RALGPS1: variants seen among roughly 807,000 people sequenced by gnomAD.
The protein encoded by RALGPS1 is Ral GEF with PH domain and SH3 binding motif 1, also known as ras-specific guanine nucleotide-releasing factor RalGPS1.
Under a neutral mutation model 78.8 loss-of-function variants are expected in RALGPS1, and 19 were observed. That is an observed-to-expected ratio of 0.24 (90% confidence interval 0.17 to 0.35). RALGPS1 has a LOEUF of 0.35. RALGPS1 is among the 10% of genes least tolerant of loss of function. RALGPS1 has a pLI of 1.00. For missense variants in RALGPS1, 454 were observed against 688.3 expected (o/e 0.66, Z 3.81); for synonymous variants, 228 against 256.3 (o/e 0.89, Z 1.06).
In RALGPS1 at chr9:127,183,565, C is replaced by CTCG. The variant is rs2060426721; in HGVS notation, c.910+8785_910+8786insGTC. Among the ~76,000 whole-genome samples, 3 of 152,138 alleles carry CTCG rather than the reference C, an allele frequency of 2.0e-5. No individual in the cohort carries two copies. Among genetic ancestry groups the CTCG allele is most frequent in the Non-Finnish European group, 2.9e-5 (2 of 68,038 alleles). Reference sequence around the variant, plus strand: ...CTGTCTTCTGGCACAGCCGTTTGGCCTCATCAGGCCTGAGTAAGGCACAGT... The same window carrying CTCG: ...CTGTCTTCTGGCACAGCCGTTTGGCCTCGTCATCAGGCCTGAGTAAGGCACAGT... On this transcript the variant is annotated intron_variant, in intron 11 of 18. Transcript: ENST00000259351. This position sits in a 1 kb window ranked among gnomAD's most constrained non-coding sequence, Gnocchi z 4.0.
chr9:127,050,204 C>T (rs2048176349), intron 6 of RALGPS1, 72 bp downstream of exon 6: 2 of 1,265,642 alleles, frequency 1.6e-6, no homozygotes, highest in Non-Finnish European at 2.3e-6. Context: ...AAATATGTTT[C>T]CTCAGTACTT....
chr9:127,163,711 T>C (rs1163614089), intron 8 of RALGPS1, among the ~76,000 whole-genome samples: 2 of 152,246 alleles, frequency 1.3e-5, no homozygotes, highest in African/African-American at 4.8e-5. Context: ...ACACATCCTC[T>C]CTGAGTTTCC....
chr9:127,082,841 A>G (rs2051310111), intron 8 of RALGPS1, among the ~76,000 whole-genome samples: 1 of 151,972 alleles, frequency 6.6e-6, no homozygotes, highest in Non-Finnish European at 1.5e-5. Flanking sequence ...TATCCACATG[A>G]AAATACAGCT....
chr9:127,083,779 T>G (rs969337048), intron 8 of RALGPS1, among the ~76,000 whole-genome samples: 1 of 152,218 alleles, frequency 6.6e-6, no homozygotes, highest in Non-Finnish European at 1.5e-5. Context: ...GTGCTAGGCA[T>G]GAAGCAGCCC....
intron 8 of RALGPS1, among the ~76,000 whole-genome samples, chr9:127,101,916 T>G (rs1349601508): frequency 1.3e-5 from 2 of 152,200 alleles, no homozygotes; most frequent in African/African-American, 4.8e-5. Flanking sequence ...TATTTTTTTT[T>G]AAACAAAGGA....
chr9:126,916,919 A>G (rs932755780), intron 1 of RALGPS1, among the ~76,000 whole-genome samples: 3 of 152,184 alleles, frequency 2.0e-5, no homozygotes, highest in South Asian at 2.1e-4. Context: ...TTGTATACCC[A>G]TATATGTGAC....
intron 11 of RALGPS1, among the ~76,000 whole-genome samples, chr9:127,177,189 T>C (rs1324432100): frequency 2.8e-5 from 4 of 143,068 alleles, no homozygotes; most frequent in Non-Finnish European, 6.1e-5. Flanking sequence ...GATGGGTGAG[T>C]GGGTGGGTGG....
intron 8 of RALGPS1, chr9:127,088,932 A>G: frequency 6.2e-7 from 1 of 1,613,874 alleles, no homozygotes; most frequent in Non-Finnish European, 8.5e-7. Flanking sequence ...CAGGAGGGGG[A>G]GCTGGCTTAG....
At chr9:127,094,094 A>G (rs2052826670) in intron 8 of RALGPS1, among the ~76,000 whole-genome samples, 1 of 152,198 alleles carries the variant, frequency 6.6e-6, no homozygotes, top group Non-Finnish European at 1.5e-5. Context: ...GTAATTATAA[A>G]GACAAGAGCC....
chr9:127,028,224 T>G (rs2046122253), intron 4 of RALGPS1, among the ~76,000 whole-genome samples: 2 of 152,212 alleles, frequency 1.3e-5, no homozygotes, highest in South Asian at 4.1e-4. Context: ...GTCTATGCCT[T>G]CATGTCACCC....
intron 11 of RALGPS1, among the ~76,000 whole-genome samples, chr9:127,191,689 G>GTTTTTTTTTTTT (rs2061045027): frequency 7.0e-6 from 1 of 143,504 alleles, no homozygotes; most frequent in African/African-American, 2.6e-5. Context: ...TTGTTTTTTG[G>GTTTTTTTTTTTT]GTTTTTTTTT....
chr9:127,025,153 CT>C (rs1434562072), intron 4 of RALGPS1, among the ~76,000 whole-genome samples: 1 of 152,190 alleles, frequency 6.6e-6, no homozygotes, highest in Admixed American at 6.5e-5. Context: ...AATCATAATA[CT>C]TTCTTGTGTG....
At position 126,914,896 on chromosome 9, in the gene RALGPS1, T is replaced by G. The variant is rs1399460519; in HGVS notation, c.-145T>G. 11 of 151,712 alleles carry G rather than the reference T, an allele frequency of 7.3e-5. No homozygotes were observed. The highest frequency in any genetic ancestry group is 1.5e-4 in the Non-Finnish European group (10 of 67,830). The allele number at this position is 151,712 out of a possible 1,614,324, so 9.4% of individuals were successfully genotyped here. A position where few individuals can be genotyped will look rare whatever the true frequency, so the allele number is the denominator to read the frequency against. ...GGCCCGGCTCGGCGTGGCCCCGGCC[T>G]CCAAGCGAAGGCGCCGCTGCCGCTG... On this transcript the variant is annotated 5_prime_UTR_variant, in exon 1 of 19. Transcript: ENST00000259351.
chr9:127,116,402 G>A (rs970642389), intron 8 of RALGPS1, among the ~76,000 whole-genome samples: 2 of 152,156 alleles, frequency 1.3e-5, no homozygotes, highest in African/African-American at 4.8e-5. Flanking sequence ...TTCACAGTGC[G>A]TTATTTGGGA....
intron 7 of RALGPS1, among the ~76,000 whole-genome samples, chr9:127,057,281 A>G (rs571313548): frequency 7.2e-5 from 11 of 152,350 alleles, no homozygotes; most frequent in African/African-American, 2.6e-4. Flanking sequence ...GCCTGGGGAC[A>G]GGGCAGGCCA....
At chr9:127,074,485 T>C (rs1376626192) in intron 8 of RALGPS1, among the ~76,000 whole-genome samples, 1 of 152,202 alleles carries the variant, frequency 6.6e-6, no homozygotes, top group Admixed American at 6.5e-5. Flanking sequence ...TCCATTTCCA[T>C]CACACCTGAG....
intron 14 of RALGPS1, among the ~76,000 whole-genome samples, chr9:127,206,897 C>T (rs2061963204): frequency 6.6e-6 from 1 of 152,082 alleles, no homozygotes; most frequent in South Asian, 2.1e-4. Flanking sequence ...CTGGCCACTT[C>T]CACCTCAATA....
intron 11 of RALGPS1, chr9:127,178,516 C>T: frequency 1.0e-6 from 1 of 985,612 alleles, no homozygotes. Flanking sequence ...TCATAATTGT[C>T]ATATTGTGAT....
intron 3 of RALGPS1, among the ~76,000 whole-genome samples, chr9:126,966,945 T>G (rs916821326): frequency 3.3e-5 from 5 of 152,154 alleles, no homozygotes; most frequent in African/African-American, 1.2e-4. Context: ...TGGGGTGACC[T>G]CAAACCTGAT....
Sources: gnomAD v4.1 joint callset for allele counts (sites outside exome capture counted in the v4.1 genomes callset) on GRCh38, gnomAD v4.1.1 for gene constraint, Gnocchi (gnomAD v3.1) non-coding constraint, MANE v1.5 for transcripts, NCBI Gene and HGNC (gene_info 2026-07-23, HGNC 2026-07-21) for gene names.